Variants in NEDD9 observed in about 807,000 individuals in gnomAD.
NEDD9 encodes the protein enhancer of filamentation 1.
In NEDD9, 26 loss-of-function variants were observed where a neutral mutation model predicts 76.6. That is an observed-to-expected ratio of 0.34 (90% CI 0.25 to 0.47). NEDD9 has a LOEUF of 0.47. Among genes scored for constraint, NEDD9 ranks in the 20% least tolerant of loss-of-function variants. The probability of loss-of-function intolerance (pLI) is 1.00; values close to 1 mark genes in which losing one functional copy is unlikely to be tolerated. For synonymous variants in NEDD9, 392 were observed against 414.2 expected, an observed-to-expected ratio of 0.95 and a Z score of 0.65; for missense variants, 937 against 1,058.5, an observed-to-expected ratio of 0.89 and a Z score of 1.59.
Position 11,185,516 on chromosome 6 carries a change from G to A in NEDD9, c.2151C>T (p.Thr717=), listed in dbSNP as rs1305626390. 6.2e-7 allele frequency: 1 copy of A among 1,614,168 alleles called. No individual in the cohort carries two copies. The highest frequency in any genetic ancestry group is 8.5e-7 in the Non-Finnish European group (1 of 1,180,028). ...TGGCGTTGAGAAGGGAAATGAAATG[G>A]GTCTCACATTGGTCATAGTAGAAGC... is the stretch of plus-strand genomic sequence containing the variant. The part of the protein sequence containing the change: ...LLCFYYDQCE[T]HFISLLNAID... Residue 717 remains threonine (T), a synonymous_variant, in exon 7 of 7, where the codon ACC becomes ACT. Coordinates refer to ENST00000379446, the MANE Select transcript of NEDD9 (RefSeq NM_006403.4).
At chr6:11,296,679 C>CCTTTCCCTTCCTTCCTT (rs56700039) in intron 3 of NEDD9, among the ~76,000 whole-genome samples, 2 of 92,856 alleles carry the variant, frequency 2.2e-5, no homozygotes, top group African/African-American at 9.8e-5. Flanking sequence ...CCTTTCCTTT[C>CCTTTCCCTTCCTTCCTT]CCTTCCTTCC....
At chr6:11,347,388 T>C (rs922713910) in intron 1 of NEDD9, among the ~76,000 whole-genome samples, 22 of 152,224 alleles carry the variant, frequency 1.4e-4, no homozygotes, top group African/African-American at 5.1e-4. Flanking sequence ...TTCCCAAAAA[T>C]TGAGGAGGAG....
At chr6:11,326,594 G>A (rs1761934562) in intron 2 of NEDD9, among the ~76,000 whole-genome samples, 1 of 152,218 alleles carries the variant, frequency 6.6e-6, no homozygotes, top group Non-Finnish European at 1.5e-5. Flanking sequence ...CATGGGTGGT[G>A]TTTTACATTG....
At chr6:11,210,507 G>A (rs536010270) in intron 2 of NEDD9, among the ~76,000 whole-genome samples, 1 of 152,202 alleles carries the variant, frequency 6.6e-6, no homozygotes, top group East Asian at 1.9e-4. Context: ...CTACTAAAAT[G>A]CAAACTCAGA....
intron 2 of NEDD9, among the ~76,000 whole-genome samples, chr6:11,326,009 C>T (rs1270966286): frequency 1.3e-5 from 2 of 151,944 alleles, no homozygotes; most frequent in African/African-American, 2.4e-5. Flanking sequence ...AGACAGGTGT[C>T]GTGGCACATG....
At chr6:11,264,648 C>T (rs936663907) in intron 3 of NEDD9, among the ~76,000 whole-genome samples, 2 of 152,012 alleles carry the variant, frequency 1.3e-5, no homozygotes, top group African/African-American at 4.8e-5. Flanking sequence ...TAAAACAGAA[C>T]TGAGACCAAA....
At chr6:11,375,680 C>A (rs954832441) in intron 1 of NEDD9, among the ~76,000 whole-genome samples, 46 of 152,248 alleles carry the variant, frequency 3.0e-4, no homozygotes, top group African/African-American at 1.0e-3. Flanking sequence ...TCCCTTCTGT[C>A]CTTTTCTCTC....
chr6:11,206,509 TCTC>T, intron 2 of NEDD9, among the ~76,000 whole-genome samples: 1 of 152,338 alleles, frequency 6.6e-6, no homozygotes, highest in East Asian at 1.9e-4. Flanking sequence ...CTCACAGTGT[TCTC>T]CTACTTAGCC....
rs1306327220 is a variant in NEDD9, at chr6:11,185,317, A to G, written c.2350T>C (p.Cys784Arg). 1.9e-6 allele frequency: 3 copies of G among 1,614,176 alleles called. No homozygotes were observed. The highest frequency in any genetic ancestry group is 2.5e-6 in the Non-Finnish European group (3 of 1,180,034). Reference sequence around the variant, plus strand: ...ATGACTATGGTCTTGAGCTGCTCGCAGAGCTGGTTGCTGGAGTTCATGACT... The same window carrying G: ...ATGACTATGGTCTTGAGCTGCTCGCGGAGCTGGTTGCTGGAGTTCATGACT... ...NKVMNSSNQLCEQLKTIVMAT... is the reference protein window; with the variant it reads ...NKVMNSSNQLREQLKTIVMAT... The change falls in exon 7 of 7, where the codon TGC becomes CGC. Residue 784 changes from cysteine to arginine, a missense_variant. Transcript: ENST00000379446.
intron 3 of NEDD9, among the ~76,000 whole-genome samples, chr6:11,275,305 G>T (rs965420033): frequency 6.6e-6 from 1 of 152,128 alleles, no homozygotes; most frequent in African/African-American, 2.4e-5. Flanking sequence ...ATTTCAGTTA[G>T]GAGGAGTAAG....
At chr6:11,356,600 G>A (rs547786403) in intron 1 of NEDD9, among the ~76,000 whole-genome samples, 128 of 152,154 alleles carry the variant, frequency 8.4e-4, no homozygotes, top group Middle Eastern at 3.4e-3. Context: ...GGCTGGGCGG[G>A]GCTGGAATTT....
At chr6:11,305,957 T>C (rs769260828) in intron 3 of NEDD9, 1 of 1,612,586 alleles carries the variant, frequency 6.2e-7, no homozygotes, top group Non-Finnish European at 8.5e-7. Flanking sequence ...AAAAGGGGAA[T>C]CACAAATTGT....
intron 3 of NEDD9, among the ~76,000 whole-genome samples, chr6:11,257,076 T>G (rs1050988217): frequency 3.9e-5 from 6 of 152,226 alleles, no homozygotes; most frequent in African/African-American, 1.4e-4. Context: ...GTATGGCCAT[T>G]GGACTCTTGG....
At chr6:11,374,322 G>A (rs9469018) in intron 1 of NEDD9, among the ~76,000 whole-genome samples, 3,940 of 152,134 alleles carry the variant, frequency 0.026, 189 homozygotes, top group African/African-American at 0.091. Flanking sequence ...TTAATGTTTC[G>A]ACGATTATAT....
chr6:11,372,464 G>T (rs1762894758), intron 1 of NEDD9, among the ~76,000 whole-genome samples: 1 of 152,198 alleles, frequency 6.6e-6, no homozygotes, highest in African/African-American at 2.4e-5. Context: ...ATAAACACAG[G>T]ACTGCAGATA....
chr6:11,362,966 C>A (rs1171731558), intron 1 of NEDD9, among the ~76,000 whole-genome samples: 2 of 152,146 alleles, frequency 1.3e-5, no homozygotes, highest in Non-Finnish European at 2.9e-5. Context: ...ACTCTACAAC[C>A]ATATGGCAAT....
intron 3 of NEDD9, among the ~76,000 whole-genome samples, chr6:11,298,111 T>C (rs1350045196): frequency 2.0e-5 from 3 of 152,114 alleles, no homozygotes; most frequent in Non-Finnish European, 4.4e-5. Flanking sequence ...TTTCACTCTG[T>C]TGGTCAGGCT....
chr6:11,320,932 G>A (rs992278391), intron 2 of NEDD9, among the ~76,000 whole-genome samples: 7 of 151,948 alleles, frequency 4.6e-5, no homozygotes, highest in Non-Finnish European at 8.8e-5. Context: ...TATGGCAGGG[G>A]TGGGGTGGGG....
rs112584586 is a variant in NEDD9 at position 11,213,234 on chromosome 6, GAAA to G, written c.459+44_459+46del. On this transcript the variant is annotated intron_variant, in intron 2 of 6. Coordinates refer to ENST00000379446, the MANE Select transcript of NEDD9 (RefSeq NM_006403.4). This position sits in a 1 kb window ranked among gnomAD's most constrained non-coding sequence, Gnocchi z 5.4. ...TTTCCAAATGCTCCAAGTGTAATGGGAAAAAAAAATAAGTAGGAACAAAAATTT... is the reference window on the plus strand; with the variant it reads ...TTTCCAAATGCTCCAAGTGTAATGGGAAAAAATAAGTAGGAACAAAAATTT... The G allele has an allele frequency of 4.0e-6, 6 of 1,484,570 alleles. No homozygotes were observed. The East Asian group carries it at 1.4e-4, about 34-fold the overall frequency. The allele number at this position is 1,484,570 out of a possible 1,614,324, so 92.0% of individuals were successfully genotyped here.
Sources: gnomAD v4.1 joint callset for allele counts (sites outside exome capture counted in the v4.1 genomes callset) on GRCh38, gnomAD v4.1.1 for gene constraint, Gnocchi (gnomAD v3.1) non-coding constraint, MANE v1.5 for transcripts, NCBI Gene and HGNC (gene_info 2026-07-23, HGNC 2026-07-21) for gene names.